Variants in CCDC148 observed in about 807,000 individuals in gnomAD.
CCDC148 encodes the protein coiled-coil domain-containing protein 148.
Under a neutral mutation model 85.7 loss-of-function variants are expected in CCDC148, and 89 were observed. The observed-to-expected ratio is 1.04, with a 90% CI of 0.87 to 1.24. The LOEUF (loss-of-function observed/expected upper bound fraction) is 1.24. Among genes scored for constraint, CCDC148 ranks in the 50% most tolerant of loss-of-function variants. CCDC148 has a pLI of 0.00. For missense variants in CCDC148, 692 were observed against 671.7 expected (o/e 1.03, Z -0.33); for synonymous variants, 230 against 213.9 (o/e 1.08, Z -0.66).
At chr2:158,185,877 C>A (rs549558606) in intron 11 of CCDC148, among the ~76,000 whole-genome samples, 2 of 152,004 alleles carry the variant, frequency 1.3e-5, no homozygotes, top group African/African-American at 4.8e-5. Context: ...AAATAATAAA[C>A]GGACAAAAAC....
intron 11 of CCDC148, among the ~76,000 whole-genome samples, chr2:158,197,903 TG>T (rs1456728481): frequency 2.3e-5 from 3 of 130,706 alleles, no homozygotes. Flanking sequence ...TTAATTCTAA[TG>T]AATTAATCAA....
intron 1 of CCDC148, among the ~76,000 whole-genome samples, chr2:158,360,403 G>GAC (rs1683883411): frequency 6.6e-6 from 1 of 152,176 alleles, no homozygotes; most frequent in African/African-American, 2.4e-5. Flanking sequence ...GGGGCAGACA[G>GAC]ACATCTCATA....
At chr2:158,329,524 T>C (rs1482265833) in intron 7 of CCDC148, among the ~76,000 whole-genome samples, 1 of 151,956 alleles carries the variant, frequency 6.6e-6, no homozygotes, top group African/African-American at 2.4e-5. Context: ...AACTTTAAAG[T>C]AGTTTTTTCC....
intron 11 of CCDC148, among the ~76,000 whole-genome samples, chr2:158,189,343 A>T (rs1189990332): frequency 6.6e-6 from 1 of 151,920 alleles, no homozygotes; most frequent in Admixed American, 6.6e-5. Flanking sequence ...ACTAGCAGAC[A>T]CATCTTCTAT....
intron 9 of CCDC148, among the ~76,000 whole-genome samples, chr2:158,262,974 CTACGTGAT>C (rs1689296504): frequency 6.6e-6 from 1 of 152,086 alleles, no homozygotes; most frequent in African/African-American, 2.4e-5. Context: ...TAGCATGTCA[CTACGTGAT>C]TACGTGATTT....
At chr2:158,243,278 CCTT>C (rs1688428413) in intron 10 of CCDC148, among the ~76,000 whole-genome samples, 1 of 152,066 alleles carries the variant, frequency 6.6e-6, no homozygotes, top group South Asian at 2.1e-4. Flanking sequence ...GGTCATTCGT[CCTT>C]CTTCTTGAAT....
intron 9 of CCDC148, among the ~76,000 whole-genome samples, chr2:158,296,246 A>G (rs1296702766): frequency 1.3e-5 from 2 of 152,170 alleles, no homozygotes; most frequent in Non-Finnish European, 2.9e-5. Flanking sequence ...TTCATTTTAC[A>G]TACGGTAGAA....
At chr2:158,349,092 C>G (rs1683136082) in intron 2 of CCDC148, among the ~76,000 whole-genome samples, 1 of 151,930 alleles carries the variant, frequency 6.6e-6, no homozygotes, top group African/African-American at 2.4e-5. Flanking sequence ...ATCAATGACA[C>G]AGTGATTATA....
chr2:158,251,647 A>G (rs891415167), intron 9 of CCDC148, among the ~76,000 whole-genome samples: 2 of 151,858 alleles, frequency 1.3e-5, no homozygotes, highest in Non-Finnish European at 3.0e-5. Context: ...TGGCAGTAAG[A>G]GATGGCTTAA....
At chr2:158,242,829 CCTT>C (rs1486215836) in intron 10 of CCDC148, among the ~76,000 whole-genome samples, 6 of 152,030 alleles carry the variant, frequency 3.9e-5, no homozygotes, top group Non-Finnish European at 7.4e-5. Context: ...GGACTGCTCT[CCTT>C]CTATTGAGCC....
intron 1 of CCDC148, among the ~76,000 whole-genome samples, chr2:158,362,856 C>G (rs1012913420): frequency 1.3e-5 from 2 of 151,970 alleles, no homozygotes; most frequent in African/African-American, 4.8e-5. Context: ...CACAAAAAAC[C>G]CTTCAAAAAA....
chr2:158,389,360 GAA>G (rs1307115941), intron 1 of CCDC148, among the ~76,000 whole-genome samples: 1 of 152,014 alleles, frequency 6.6e-6, no homozygotes, highest in Non-Finnish European at 1.5e-5. Context: ...AAACAAGAAT[GAA>G]AAAGAAACAA....
intron 9 of CCDC148, among the ~76,000 whole-genome samples, chr2:158,267,247 G>A (rs1689507744): frequency 6.6e-6 from 1 of 152,012 alleles, no homozygotes; most frequent in African/African-American, 2.4e-5. Flanking sequence ...GCTTTGGATA[G>A]TCTTCTCCAC....
intron 1 of CCDC148, among the ~76,000 whole-genome samples, chr2:158,403,180 T>G (rs1685857509): frequency 6.6e-6 from 1 of 152,048 alleles, no homozygotes; most frequent in African/African-American, 2.4e-5. Context: ...AACAAATATT[T>G]TTTTCTTTTT....
At chr2:158,197,449 T>A (rs1288511729) in intron 11 of CCDC148, among the ~76,000 whole-genome samples, 1 of 152,126 alleles carries the variant, frequency 6.6e-6, no homozygotes, top group African/African-American at 2.4e-5. Context: ...TAATTGAAGA[T>A]CTTATTTACT....
At chr2:158,234,166 A>T (rs1483612590) in intron 10 of CCDC148, among the ~76,000 whole-genome samples, 1 of 151,240 alleles carries the variant, frequency 6.6e-6, no homozygotes, top group East Asian at 1.9e-4. Flanking sequence ...ACAGAGCGAG[A>T]CTCCATCTCA....
At chr2:158,354,579 A>G (rs1683518194) in intron 2 of CCDC148, among the ~76,000 whole-genome samples, 1 of 152,230 alleles carries the variant, frequency 6.6e-6, no homozygotes, top group Admixed American at 6.5e-5. Flanking sequence ...AATTGTAGCA[A>G]TAATCAATAG....
chr2:158,274,367 A>G (rs1426549519), intron 9 of CCDC148, among the ~76,000 whole-genome samples: 2 of 124,112 alleles, frequency 1.6e-5, no homozygotes, highest in Non-Finnish European at 3.6e-5. Flanking sequence ...AACACCATTC[A>G]TGGGTTTGAG....
intron 11 of CCDC148, among the ~76,000 whole-genome samples, chr2:158,217,374 GTA>G (rs762560897): frequency 0.016 from 1,594 of 98,472 alleles, 15 homozygotes; most frequent in Middle Eastern, 0.022. Flanking sequence ...GTGTGTGTGT[GTA>G]TATATATATA....
Sources: allele counts gnomAD v4.1 joint callset (sites outside exome capture counted in the v4.1 genomes callset), GRCh38; gene constraint gnomAD v4.1.1; transcripts MANE v1.5; gene names NCBI Gene and HGNC (gene_info 2026-07-23, HGNC 2026-07-21).